The following TM9SF4 variants were observed in gnomAD, a reference collection of about 807,000 sequenced individuals.
TM9SF4 encodes the protein dinucleotide oxidase disulfide thiol exchanger 3 superfamily member 4.
TM9SF4 carries 26 observed loss-of-function variants against 90.4 expected under a neutral mutation model. That is an observed-to-expected ratio of 0.29 (90% CI 0.21 to 0.40). TM9SF4 has a LOEUF of 0.40. Ranked by LOEUF, TM9SF4 falls within the 10% of genes least tolerant of loss-of-function variation. The pLI is 1.00. For missense variants in TM9SF4, 549 were observed against 834.8 expected (o/e 0.66, Z 4.22); for synonymous variants, 293 against 315.4 (o/e 0.93, Z 0.75).
intron 1 of TM9SF4, among the ~76,000 whole-genome samples, chr20:32,126,877 A>G (rs147811648): frequency 5.9e-5 from 9 of 152,158 alleles, no homozygotes; most frequent in African/African-American, 1.9e-4. Context: ...CTGGGATTAC[A>G]GGCGCCTGCC....
At chr20:32,137,378 C>T (rs896293889) in intron 3 of TM9SF4, among the ~76,000 whole-genome samples, 1 of 152,216 alleles carries the variant, frequency 6.6e-6, no homozygotes, top group Admixed American at 6.5e-5. Context: ...ACCCAAGGCT[C>T]TATAGTTAGG....
At chr20:32,131,459 C>G (rs924013547) in intron 1 of TM9SF4, among the ~76,000 whole-genome samples, 13 of 150,556 alleles carry the variant, frequency 8.6e-5, no homozygotes, top group African/African-American at 3.2e-4. Context: ...TCCTATAAAA[C>G]TGAGTTTCAC....
At chr20:32,132,169 C>T (rs1215631265) in intron 1 of TM9SF4, among the ~76,000 whole-genome samples, 1 of 152,004 alleles carries the variant, frequency 6.6e-6, no homozygotes, top group Non-Finnish European at 1.5e-5. Context: ...TTTGGGAGGC[C>T]GAGGTGGGCA....
chr20:32,112,304 A>G (rs1281954898), intron 1 of TM9SF4, among the ~76,000 whole-genome samples: 2 of 152,204 alleles, frequency 1.3e-5, no homozygotes, highest in Admixed American at 6.5e-5. Flanking sequence ...AGTACCAGCT[A>G]CTTGCGGGGC....
chr20:32,160,215 C>T, intron 16 of TM9SF4, 104 bp downstream of exon 16: 2 of 1,528,878 alleles, frequency 1.3e-6, no homozygotes, highest in Middle Eastern at 2.1e-4. Context: ...CTTCATGTGG[C>T]CCCTGCTTCT....
At chr20:32,152,285 A>AG (rs1330968748) in intron 12 of TM9SF4, among the ~76,000 whole-genome samples, 1 of 151,764 alleles carries the variant, frequency 6.6e-6, no homozygotes, top group Non-Finnish European at 1.5e-5. Flanking sequence ...TCTTCCCTGG[A>AG]GAGGTCACCA....
intron 16 of TM9SF4, 25 bp downstream of exon 16, chr20:32,160,136 G>T (rs78738221): frequency 6.2e-7 from 1 of 1,613,896 alleles, no homozygotes; most frequent in Non-Finnish European, 8.5e-7. Context: ...GCCAGGAGGC[G>T]GGGGAGGGAG....
intron 1 of TM9SF4, among the ~76,000 whole-genome samples, chr20:32,122,759 G>T (rs917953085): frequency 6.6e-6 from 1 of 152,128 alleles, no homozygotes; most frequent in Non-Finnish European, 1.5e-5. Flanking sequence ...TCACTTCCCA[G>T]ACGGGGTGGC....
At chr20:32,147,681 C>T (rs4911549) in intron 9 of TM9SF4, among the ~76,000 whole-genome samples, 55,380 of 150,808 alleles carry the variant, frequency 0.37, 11,159 homozygotes, top group East Asian at 0.74. Context: ...GTGAAAACTT[C>T]GTCTCTAATA....
chr20:32,126,068 AACACAC>A lies in TM9SF4; in HGVS notation c.16-6911_16-6906del, dbSNP rs71185382. On this transcript the variant is annotated intron_variant, in intron 1 of 17. Transcript: ENST00000398022. ...GCTGCACACAGCCCTCTTTCCCGTA[AACACAC>A]ACACACACACACACACACACACACA... is the stretch of plus-strand genomic sequence containing the variant. Among the ~76,000 whole-genome samples, 817 of 138,678 alleles carry A rather than the reference AACACAC, an allele frequency of 5.9e-3. 12 individuals are homozygous for A. Among genetic ancestry groups the A allele is most frequent in the African/African-American group, 0.019 (648 of 34,858 alleles). 91.0% of individuals were successfully genotyped at this position (138,678 alleles called of 152,430 possible).
intron 8 of TM9SF4, among the ~76,000 whole-genome samples, chr20:32,145,928 G>A (rs1440403546): frequency 6.6e-6 from 1 of 152,128 alleles, no homozygotes; most frequent in Non-Finnish European, 1.5e-5. Context: ...TTACGATAAG[G>A]AGCCACCATC....
Position 32,165,839 on chromosome 20 carries a change from T to C in TM9SF4, c.*395T>C. ...TTTTGGTCACTGTCTCCACCTCAGTTCCTCAGGGCTGTTGGCCACCCTATG... is the reference window on the plus strand; with the variant it reads ...TTTTGGTCACTGTCTCCACCTCAGTCCCTCAGGGCTGTTGGCCACCCTATG... On this transcript the variant is annotated 3_prime_UTR_variant, in exon 18 of 18. Coordinates refer to ENST00000398022, the MANE Select transcript of TM9SF4 (RefSeq NM_014742.4). The C allele has an allele frequency of 5.0e-6, 1 of 201,476 alleles. No homozygotes were observed. Among genetic ancestry groups the C allele is most frequent in the South Asian group, 8.0e-5 (1 of 12,450 alleles). The allele number at this position is 201,476 out of a possible 1,614,324, so 12.5% of individuals were successfully genotyped here. A position where few individuals can be genotyped will look rare whatever the true frequency, so the allele number is the denominator to read the frequency against.
chr20:32,163,760 C>T (rs1272144439), intron 17 of TM9SF4, among the ~76,000 whole-genome samples: 1 of 151,810 alleles, frequency 6.6e-6, no homozygotes, highest in Non-Finnish European at 1.5e-5. Context: ...TACAGGTGCA[C>T]ACCACCACGC....
At position 32,161,381 on chromosome 20, in the gene TM9SF4, AGG is replaced by A. The variant is rs1266395473; in HGVS notation, c.1779+17_1779+18del. On this transcript the variant is annotated intron_variant, in intron 17 of 17. Coordinates refer to ENST00000398022, the MANE Select transcript of TM9SF4 (RefSeq NM_014742.4). Reference sequence around the variant, plus strand: ...CGTTAACAAGGTACTGCCCTCCTTGAGGAGGTCCTCTTAGTCCTCATAGGGTA... The same window carrying A: ...CGTTAACAAGGTACTGCCCTCCTTGAAGGTCCTCTTAGTCCTCATAGGGTA... 1.9e-6 allele frequency: 3 copies of A among 1,611,894 alleles called. No individual in the cohort carries two copies. In the South Asian group the frequency reaches 3.3e-5, roughly 18 times the overall value.
At chr20:32,112,921 T>G (rs1050297097) in intron 1 of TM9SF4, among the ~76,000 whole-genome samples, 3 of 152,054 alleles carry the variant, frequency 2.0e-5, no homozygotes, top group African/African-American at 7.2e-5. Context: ...GGAAGCAAAT[T>G]TATTACAGGG....
intron 8 of TM9SF4, 127 bp from the exon 9 acceptor site, chr20:32,146,658 C>T (rs1266044458): frequency 7.4e-6 from 6 of 812,562 alleles, no homozygotes; most frequent in Admixed American, 2.4e-5. Context: ...GCTGCATAGC[C>T]AGTTCATAAT....
intron 1 of TM9SF4, among the ~76,000 whole-genome samples, chr20:32,120,704 C>T (rs1275882248): frequency 1.3e-5 from 2 of 152,180 alleles, no homozygotes; most frequent in African/African-American, 4.8e-5. Context: ...CAAGAGTAGG[C>T]ATCCTTGCCT....
At chr20:32,131,336 A>C (rs2046508505) in intron 1 of TM9SF4, among the ~76,000 whole-genome samples, 1 of 152,258 alleles carries the variant, frequency 6.6e-6, no homozygotes, top group Non-Finnish European at 1.5e-5. Context: ...TACTGAATTC[A>C]GAACCTTTTA....
intron 14 of TM9SF4, 25 bp downstream of exon 14, chr20:32,157,994 G>A (rs768917038): frequency 3.7e-6 from 6 of 1,613,168 alleles, no homozygotes; most frequent in Non-Finnish European, 5.1e-6. Context: ...AGAGGCAAGA[G>A]CAGGGGAACG....
Sources: allele counts gnomAD v4.1 joint callset (sites outside exome capture counted in the v4.1 genomes callset), GRCh38; gene constraint gnomAD v4.1.1; transcripts MANE v1.5; gene names NCBI Gene and HGNC (gene_info 2026-07-23, HGNC 2026-07-21).